The following FOXJ3 variants were observed in gnomAD, a reference collection of about 807,000 sequenced individuals.
FOXJ3 encodes forkhead box protein J3.
FOXJ3 carries 22 observed loss-of-function variants against 76.1 expected under a neutral mutation model. That is an observed-to-expected ratio of 0.29 (90% confidence interval 0.21 to 0.41). The LOEUF (loss-of-function observed/expected upper bound fraction) is 0.41. Among genes scored for constraint, FOXJ3 ranks in the 10% least tolerant of loss-of-function variants. The pLI, the probability that FOXJ3 is intolerant of heterozygous loss-of-function variation, is 1.00. For synonymous variants in FOXJ3, 269 were observed against 261.2 expected, an observed-to-expected ratio of 1.03 and a Z score of -0.29; for missense variants, 613 against 762.1, an observed-to-expected ratio of 0.80 and a Z score of 2.30.
At chr1:42,197,390 T>C (rs1646672775) in intron 7 of FOXJ3, among the ~76,000 whole-genome samples, 1 of 152,170 alleles carries the variant, frequency 6.6e-6, no homozygotes, top group Non-Finnish European at 1.5e-5. Flanking sequence ...TTTCTTTATA[T>C]ATAATTTACT....
At chr1:42,332,943 T>C (rs560935700) in intron 1 of FOXJ3, among the ~76,000 whole-genome samples, 1 of 152,324 alleles carries the variant, frequency 6.6e-6, no homozygotes, top group African/African-American at 2.4e-5. Context: ...GATGTACATG[T>C]TTCCCGAACA....
Position 42,234,303 on chromosome 1 carries a change from A to AT in FOXJ3, c.445-6338dup, listed in dbSNP as rs757274581. Among the ~76,000 whole-genome samples the AT allele has an allele frequency of 7.8e-3, 1,174 of 151,058 alleles. 9 individuals carry two copies. The highest frequency in any genetic ancestry group is 0.012 in the Non-Finnish European group (790 of 67,660). On this transcript the variant is annotated intron_variant, in intron 4 of 12. Coordinates refer to ENST00000361346, the MANE Select transcript of FOXJ3 (RefSeq NM_014947.5). ...GTTATTCTAGTTAGCCATTTGTTTA[A>AT]TTTTTTTTTCAAGGTTTTTAACTTC...
At chr1:42,303,026 C>A (rs1654252409) in intron 2 of FOXJ3, among the ~76,000 whole-genome samples, 1 of 151,712 alleles carries the variant, frequency 6.6e-6, no homozygotes, top group African/African-American at 2.4e-5. Flanking sequence ...TACCTTTTTC[C>A]ACAGTCTCCT....
intron 2 of FOXJ3, among the ~76,000 whole-genome samples, chr1:42,291,147 C>T (rs1302745580): frequency 3.3e-5 from 5 of 151,894 alleles, no homozygotes; most frequent in Non-Finnish European, 5.9e-5. Context: ...TCAGACAAGT[C>T]AGTGGGGAAA....
rs1327366412 is a variant in FOXJ3 at position 42,278,381 on chromosome 1, G to A, written c.336C>T (p.Phe112=). ...CACTGCCAGCCTCTCTATAATATGG[G>A]AAGTTATCACAAATCCACTGATAAA... ...SEIYQWICDN[F]PYYREAGSGW... Residue 112 remains phenylalanine (F), a synonymous_variant, in exon 3 of 13, where the codon TTC becomes TTT. Coordinates refer to ENST00000361346, the MANE Select transcript of FOXJ3 (RefSeq NM_014947.5). 6.2e-7 allele frequency: 1 copy of A among 1,613,570 alleles called. No homozygotes were observed. Among genetic ancestry groups the A allele is most frequent in the Non-Finnish European group, 8.5e-7 (1 of 1,179,524 alleles).
intron 3 of FOXJ3, among the ~76,000 whole-genome samples, chr1:42,267,425 T>A (rs571274324): frequency 1.2e-4 from 18 of 151,946 alleles, no homozygotes; most frequent in Non-Finnish European, 2.4e-4. Flanking sequence ...GACATAAATT[T>A]TAAAAAAATC....
intron 5 of FOXJ3, among the ~76,000 whole-genome samples, chr1:42,219,053 T>G (rs1484593214): frequency 6.6e-6 from 1 of 152,244 alleles, no homozygotes; most frequent in Non-Finnish European, 1.5e-5. Flanking sequence ...TCTCCAAACT[T>G]CCAGGTTAGT....
chr1:42,314,272 G>A (rs1040258190), intron 1 of FOXJ3, among the ~76,000 whole-genome samples: 2 of 151,954 alleles, frequency 1.3e-5, no homozygotes, highest in Non-Finnish European at 2.9e-5. Flanking sequence ...TTTCTGAGAC[G>A]GAGTTTTCAC....
At position 42,324,104 on chromosome 1, in the gene FOXJ3, G is replaced by GTGTATATATAGTGTATATATATACTA. The variant is rs776964079; in HGVS notation, c.-18+10954_-18+10955insTAGTATATATATACACTATATATACA. 3.4e-5 allele frequency among the ~76,000 whole-genome samples: 3 copies of GTGTATATATAGTGTATATATATACTA among 88,946 alleles called. 1 individual carries two copies. Among genetic ancestry groups the GTGTATATATAGTGTATATATATACTA allele is most frequent in the Admixed American group, 2.6e-4 (2 of 7,628 alleles). 58.4% of individuals were successfully genotyped at this position (88,946 alleles called of 152,430 possible). The stretch of plus-strand genomic sequence containing the variant: ...AGTATATATACTGTATATATACTGT[G>GTGTATATATAGTGTATATATATACTA]TATATACACTGTATATACACAGTGT... On this transcript the variant is annotated intron_variant, in intron 1 of 12. Transcript: ENST00000361346.
chr1:42,327,097 A>C (rs1655880907), intron 1 of FOXJ3, among the ~76,000 whole-genome samples: 1 of 152,244 alleles, frequency 6.6e-6, no homozygotes. Context: ...TTTTGAAAAA[A>C]TATTATTCAA....
chr1:42,213,828 C>T (rs764948801), intron 5 of FOXJ3, among the ~76,000 whole-genome samples: 12 of 152,110 alleles, frequency 7.9e-5, no homozygotes, highest in Non-Finnish European at 1.5e-4. Context: ...AGACACTGGT[C>T]AATGGGTACA....
rs193082026 is a variant in FOXJ3 at position 42,243,201 on chromosome 1, G to A, written c.445-15235C>T. Among the ~76,000 whole-genome samples the A allele has an allele frequency of 2.5e-3, 386 of 151,876 alleles. 2 individuals are homozygous for A. The highest frequency in any genetic ancestry group is 2.1e-3 in the Non-Finnish European group (143 of 67,974). ...GCTTATGGGAGTCCTACATCCATGA[G>A]CAAAAGGATGGTATTTACCATCAAG... On this transcript the variant is annotated intron_variant, in intron 4 of 12. Transcript: ENST00000361346.
chr1:42,297,415 T>C (rs750544939), intron 2 of FOXJ3, among the ~76,000 whole-genome samples: 9 of 152,216 alleles, frequency 5.9e-5, no homozygotes, highest in Non-Finnish European at 1.0e-4. Context: ...TTGTCATATA[T>C]AGCTATTATT....
rs561945422 is a variant in FOXJ3, at chr1:42,236,077, C to T, written c.445-8111G>A. On this transcript the variant is annotated intron_variant, in intron 4 of 12. Coordinates refer to ENST00000361346, the MANE Select transcript of FOXJ3 (RefSeq NM_014947.5). ...ACTGCCATTTTAGACAGTCAATCAA[C>T]GAACACAGGATCAGTCCAATTTCCT... Among the ~76,000 whole-genome samples the T allele has an allele frequency of 3.9e-5, 6 of 152,234 alleles. No individual in the cohort carries two copies. In the East Asian group the frequency reaches 9.7e-4, roughly 25 times the overall value.
rs776207527 is a variant in FOXJ3, at chr1:42,190,681, GT to G, written c.1351+621del. 2.6e-4 allele frequency among the ~76,000 whole-genome samples: 40 copies of G among 152,316 alleles called. 1 individual carries two copies. The highest frequency in any genetic ancestry group is 4.1e-4 in the Non-Finnish European group (28 of 68,026). ...GTCAAAAGGTCAGGGTAGGAAAAAG[GT>G]TAACTGAAATGAAATTATGAGCAGG... On this transcript the variant is annotated intron_variant, in intron 9 of 12. Coordinates refer to ENST00000361346, the MANE Select transcript of FOXJ3 (RefSeq NM_014947.5).
At chr1:42,334,915 C>T (rs1044841428) in intron 1 of FOXJ3, 144 bp downstream of exon 1, 1 of 152,262 alleles carries the variant, frequency 6.6e-6, no homozygotes, top group Non-Finnish European at 1.5e-5. Context: ...CTGCCCCACC[C>T]GCCGCCCACC....
At chr1:42,312,800 A>C (rs1654888827) in intron 1 of FOXJ3, among the ~76,000 whole-genome samples, 1 of 152,270 alleles carries the variant, frequency 6.6e-6, no homozygotes, top group African/African-American at 2.4e-5. Context: ...TTCAGATCTT[A>C]ACCAAGAGAA....
At chr1:42,302,398 G>A (rs1654206643) in intron 2 of FOXJ3, among the ~76,000 whole-genome samples, 1 of 152,240 alleles carries the variant, frequency 6.6e-6, no homozygotes, top group Admixed American at 6.5e-5. Context: ...ACAGGTGTCT[G>A]AGCTCCCTGC....
At chr1:42,231,534 C>T (rs1473577251) in intron 4 of FOXJ3, among the ~76,000 whole-genome samples, 9 of 152,034 alleles carry the variant, frequency 5.9e-5, no homozygotes, top group African/African-American at 1.7e-4. Flanking sequence ...AAGATGAAAA[C>T]GTTCTCGAGA....
Sources: gnomAD v4.1 joint callset for allele counts (sites outside exome capture counted in the v4.1 genomes callset) on GRCh38, gnomAD v4.1.1 for gene constraint, MANE v1.5 for transcripts, NCBI Gene and HGNC (gene_info 2026-07-23, HGNC 2026-07-21) for gene names.